CHCHD6: variants seen among roughly 807,000 people sequenced by gnomAD.
CHCHD6 encodes the protein coiled-coil-helix-coiled-coil-helix domain containing 6.
In CHCHD6, 28 loss-of-function variants were observed where a neutral mutation model predicts 32.3. That is an observed-to-expected ratio of 0.87 (90% CI 0.64 to 1.19). CHCHD6 has a LOEUF of 1.19. Ranked by LOEUF, CHCHD6 falls within the 50% of genes most tolerant of loss-of-function variation. The pLI, the probability that CHCHD6 is intolerant of heterozygous loss-of-function variation, is 0.00. For synonymous variants in CHCHD6, 122 were observed against 117.5 expected (o/e 1.04, Z -0.25); for missense variants, 333 against 307.0 (o/e 1.08, Z -0.63).
At chr3:126,885,939 G>A (rs1401570734) in intron 5 of CHCHD6, among the ~76,000 whole-genome samples, 3 of 152,192 alleles carry the variant, frequency 2.0e-5, no homozygotes, top group Non-Finnish European at 2.9e-5. Context: ...CTGGTGCTGG[G>A]GGAACCAAGC....
intron 5 of CHCHD6, among the ~76,000 whole-genome samples, chr3:126,911,151 GC>G (rs887169299): frequency 1.2e-4 from 18 of 152,192 alleles, no homozygotes; most frequent in African/African-American, 4.1e-4. Context: ...CCTTTCAGGT[GC>G]CCCACAGCAC....
chr3:126,920,734 G>A (rs527491127), intron 6 of CHCHD6, among the ~76,000 whole-genome samples: 1 of 152,318 alleles, frequency 6.6e-6, no homozygotes, highest in Admixed American at 6.5e-5. Context: ...ATCATCCTGT[G>A]AGACTGCCGA....
At chr3:126,767,088 C>T (rs1937403911) in intron 4 of CHCHD6, 1 of 1,232,224 alleles carries the variant, frequency 8.1e-7, no homozygotes, top group Non-Finnish European at 1.2e-6. Context: ...GTCCGCCGTG[C>T]CCGGGCGATG....
intron 1 of CHCHD6, among the ~76,000 whole-genome samples, chr3:126,709,733 C>T (rs1012978374): frequency 2.0e-5 from 3 of 152,128 alleles, no homozygotes; most frequent in South Asian, 2.1e-4. Flanking sequence ...TTTGCATTTC[C>T]CTAATAACTA....
intron 4 of CHCHD6, among the ~76,000 whole-genome samples, chr3:126,821,764 A>AATCCCACCTCATGCTTCTTC (rs1940166513): frequency 6.6e-6 from 1 of 152,098 alleles, no homozygotes; most frequent in African/African-American, 2.4e-5. Context: ...GATTATAACT[A>AATCCCACCTCATGCTTCTTC]TTGTAGTGAG....
chr3:126,870,309 A>G (rs909289895), intron 5 of CHCHD6, among the ~76,000 whole-genome samples: 34 of 152,228 alleles, frequency 2.2e-4, no homozygotes, highest in African/African-American at 7.9e-4. Flanking sequence ...TAGAATTAGG[A>G]CCCGTTGCTT....
At chr3:126,945,127 CCAGGTAGGAGGGAGGCT>C (rs1224039070) in intron 6 of CHCHD6, among the ~76,000 whole-genome samples, 1 of 152,080 alleles carries the variant, frequency 6.6e-6, no homozygotes, top group Non-Finnish European at 1.5e-5. Flanking sequence ...GGAGAAGAGG[CCAGGTAGGAGGGAGGCT>C]CAGGGCAGCA....
At chr3:126,798,524 T>C (rs539328952) in intron 4 of CHCHD6, among the ~76,000 whole-genome samples, 1 of 152,186 alleles carries the variant, frequency 6.6e-6, no homozygotes, top group African/African-American at 2.4e-5. Context: ...CTGTTTTTCC[T>C]TTGTGGCAGG....
chr3:126,835,539 T>G (rs919209512), intron 4 of CHCHD6, among the ~76,000 whole-genome samples: 1 of 152,080 alleles, frequency 6.6e-6, no homozygotes, highest in Non-Finnish European at 1.5e-5. Flanking sequence ...CCGGCTCTGC[T>G]CAGTTCATGA....
chr3:126,824,560 C>CAAAAAAAAAAAAAAAAAA lies in CHCHD6; in HGVS notation c.412-28083_412-28066dup, dbSNP rs71150454. Among the ~76,000 whole-genome samples, 290 of 39,970 alleles carry CAAAAAAAAAAAAAAAAAA rather than the reference C, an allele frequency of 7.3e-3. 59 individuals are homozygous for CAAAAAAAAAAAAAAAAAA. The highest frequency in any genetic ancestry group is 0.029 in the African/African-American group (199 of 6,792). The allele number at this position is 39,970 out of a possible 152,430, so 26.2% of individuals were successfully genotyped here. On this transcript the variant is annotated intron_variant, in intron 4 of 7. Coordinates refer to ENST00000290913, the MANE Select transcript of CHCHD6 (RefSeq NM_032343.3). Reference sequence around the variant, plus strand: ...TAGGTGATAGAGCAAGACTCTGTCTCAAAAAAAAAAAAAAAAAAAAAGTCA... The same window carrying CAAAAAAAAAAAAAAAAAA: ...TAGGTGATAGAGCAAGACTCTGTCTCAAAAAAAAAAAAAAAAAAAAAAAAAAAAAAAAAAAAAAAGTCA...
intron 5 of CHCHD6, among the ~76,000 whole-genome samples, chr3:126,858,898 C>G (rs1941757582): frequency 6.6e-6 from 1 of 152,218 alleles, no homozygotes; most frequent in African/African-American, 2.4e-5. Flanking sequence ...CTACACCTCA[C>G]TGGAGTGCCC....
At chr3:126,956,629 A>G (rs1576650944) in intron 6 of CHCHD6, among the ~76,000 whole-genome samples, 1 of 142,040 alleles carries the variant, frequency 7.0e-6, no homozygotes, top group South Asian at 2.2e-4. Flanking sequence ...GAGAGAGAGA[A>G]ATCTGGAAGG....
intron 5 of CHCHD6, among the ~76,000 whole-genome samples, chr3:126,885,859 A>C (rs1183970370): frequency 6.6e-6 from 1 of 152,228 alleles, no homozygotes; most frequent in African/African-American, 2.4e-5. Flanking sequence ...CTAAGGAGTC[A>C]AACCATAGGA....
chr3:126,904,107 C>G (rs764167221), intron 5 of CHCHD6, among the ~76,000 whole-genome samples: 1 of 152,214 alleles, frequency 6.6e-6, no homozygotes, highest in Non-Finnish European at 1.5e-5. Flanking sequence ...TTTCTCTGAA[C>G]ACTTTTTCTG....
chr3:126,747,352 T>G (rs1936548006), intron 4 of CHCHD6, among the ~76,000 whole-genome samples: 1 of 152,180 alleles, frequency 6.6e-6, no homozygotes, highest in African/African-American at 2.4e-5. Flanking sequence ...TCCATACACG[T>G]TCGGTTTTCC....
rs1461158805 is a variant in CHCHD6, at chr3:126,777,021, C to G, written c.411+43799C>G. Reference sequence around the variant, plus strand: ...CTGCCGCTCTATGCCTTTGAGCCAGCCCACCTGTCTCAGTCTCTTCCACCC... The same window carrying G: ...CTGCCGCTCTATGCCTTTGAGCCAGGCCACCTGTCTCAGTCTCTTCCACCC... On this transcript the variant is annotated intron_variant, in intron 4 of 7. Transcript: ENST00000290913. Among the ~76,000 whole-genome samples, 39 of 152,132 alleles carry G rather than the reference C, an allele frequency of 2.6e-4. 1 individual carries two copies. The highest frequency in any genetic ancestry group is 2.6e-3 in the Admixed American group (39 of 15,276).
chr3:126,732,383 G>C (rs1004096771), intron 3 of CHCHD6, among the ~76,000 whole-genome samples: 7 of 152,112 alleles, frequency 4.6e-5, no homozygotes, highest in African/African-American at 1.7e-4. Context: ...TTTGTCATTA[G>C]TTGCACCTGC....
At chr3:126,704,959 C>G (rs1194112973) in intron 1 of CHCHD6, among the ~76,000 whole-genome samples, 1 of 152,146 alleles carries the variant, frequency 6.6e-6, no homozygotes, top group Non-Finnish European at 1.5e-5. Context: ...TGCCCGTCGA[C>G]CTCTGGGGAC....
chr3:126,783,153 G>A (rs1938034244), intron 4 of CHCHD6, among the ~76,000 whole-genome samples: 1 of 152,152 alleles, frequency 6.6e-6, no homozygotes, highest in Non-Finnish European at 1.5e-5. Context: ...CTACATATAA[G>A]TGAGATCATG....
Sources: allele counts gnomAD v4.1 joint callset (sites outside exome capture counted in the v4.1 genomes callset), GRCh38; gene constraint gnomAD v4.1.1; transcripts MANE v1.5; gene names NCBI Gene and HGNC (gene_info 2026-07-23, HGNC 2026-07-21).